CDK1: variants seen among roughly 807,000 people sequenced by gnomAD.
CDK1 encodes the protein cyclin-dependent kinase 1.
In CDK1, 5 loss-of-function variants were observed where a neutral mutation model predicts 34.6. The observed-to-expected ratio is 0.14, with a 90% CI of 0.08 to 0.30. The LOEUF (loss-of-function observed/expected upper bound fraction) is 0.30. Among genes scored for constraint, CDK1 ranks in the 10% least tolerant of loss-of-function variants. The pLI is 1.00. For synonymous variants in CDK1, 108 were observed against 114.7 expected, an observed-to-expected ratio of 0.94 and a Z score of 0.37; for missense variants, 157 against 345.7, an observed-to-expected ratio of 0.45 and a Z score of 4.33.
intron 7 of CDK1, 141 bp from the exon 8 acceptor site, chr10:60,793,736 C>T: frequency 1.8e-6 from 1 of 557,968 alleles, no homozygotes; most frequent in East Asian, 3.3e-5. Flanking sequence ...GTGTGTTAAA[C>T]TAATGGAAAT....
At chr10:60,789,714 G>A (rs1403609851) in intron 5 of CDK1, among the ~76,000 whole-genome samples, 1 of 152,170 alleles carries the variant, frequency 6.6e-6, no homozygotes, top group African/African-American at 2.4e-5. Flanking sequence ...ACATGGGAGT[G>A]CAGATATCTC....
In CDK1 at chr10:60,785,790, A is replaced by C; in HGVS notation, c.318+3A>C. The C allele has an allele frequency of 6.3e-7, 1 of 1,580,924 alleles. No homozygotes were observed. The highest frequency in any genetic ancestry group is 1.7e-5 in the Admixed American group (1 of 58,260). On this transcript the variant is annotated splice_donor_region_variant and intron_variant, in intron 4 of 7. Coordinates refer to ENST00000395284, the MANE Select transcript of CDK1 (RefSeq NM_001786.5). Reference sequence around the variant, plus strand: ...ACATGGATTCTTCACTTGTTAAGGTAAAAGCTTAACTAATTTTATTAATAT... The same window carrying C: ...ACATGGATTCTTCACTTGTTAAGGTCAAAGCTTAACTAATTTTATTAATAT...
At chr10:60,792,546 AT>A (rs5785467) in intron 7 of CDK1, among the ~76,000 whole-genome samples, 111,494 of 150,454 alleles carry the variant, frequency 0.74, 41,427 homozygotes, top group East Asian at 0.83. Context: ...ATTAATACAC[AT>A]TTTTTTTTTT....
At chr10:60,784,486 C>G (rs978707371) in intron 2 of CDK1, among the ~76,000 whole-genome samples, 6 of 151,950 alleles carry the variant, frequency 3.9e-5, no homozygotes, top group Admixed American at 2.6e-4. Flanking sequence ...AAAAATTAGC[C>G]GAGTGTGGTG....
rs2080309677 is a variant in CDK1, at chr10:60,785,650, T to TA, written c.195-14_195-13insA. 4 of 1,498,404 alleles carry TA rather than the reference T, an allele frequency of 2.7e-6. No homozygotes were observed. The African/African-American group carries it at 5.6e-5, about 21-fold the overall frequency. 92.8% of individuals were successfully genotyped at this position (1,498,404 alleles called of 1,614,324 possible). ...GTTTGCTGGATTCTTCTCTCATATA[T>TA]TTTTTTTCCCCAGTCTTCAGGATGT... On this transcript the variant is annotated splice_polypyrimidine_tract_variant and intron_variant, in intron 3 of 7. Transcript: ENST00000395284.
At chr10:60,785,151 CCTA>C (rs200935059) in intron 3 of CDK1, among the ~76,000 whole-genome samples, 1,556 of 152,234 alleles carry the variant, frequency 0.01, 15 homozygotes, top group Non-Finnish European at 0.013. Flanking sequence ...TCAACTCTCT[CCTA>C]CTTGGGGAGC....
At chr10:60,786,250 A>T (rs1302574897) in intron 4 of CDK1, 1 of 976,244 alleles carries the variant, frequency 1.0e-6, no homozygotes. Context: ...CAGTTCTACC[A>T]AACCACTCTG....
At chr10:60,791,362 G>C (rs1251326026) in intron 5 of CDK1, among the ~76,000 whole-genome samples, 1 of 152,022 alleles carries the variant, frequency 6.6e-6, no homozygotes, top group African/African-American at 2.4e-5. Flanking sequence ...TTTTGATTTT[G>C]TATACTGCAA....
rs2080381935 is a variant in CDK1 at position 60,794,162 on chromosome 10, A to ATGTG, written c.*191_*194dup. 5 of 413,158 alleles carry ATGTG rather than the reference A, an allele frequency of 1.2e-5. No homozygotes were observed. The highest frequency in any genetic ancestry group is 2.1e-5 in the Non-Finnish European group (5 of 235,882). The allele number at this position is 413,158 out of a possible 1,614,324, so 25.6% of individuals were successfully genotyped here. A position where few individuals can be genotyped will look rare whatever the true frequency, so the allele number is the denominator to read the frequency against. ...TATGAATTTAAATATAATTCTGTAA[A>ATGTG]TGTGTGTAGGTCTCACTGTAACAAC... On this transcript the variant is annotated 3_prime_UTR_variant, in exon 8 of 8. Coordinates refer to ENST00000395284, the MANE Select transcript of CDK1 (RefSeq NM_001786.5).
chr10:60,789,551 T>C (rs945617454), intron 5 of CDK1, among the ~76,000 whole-genome samples: 28 of 152,198 alleles, frequency 1.8e-4, no homozygotes, highest in African/African-American at 6.8e-4. Flanking sequence ...TTCATTCTTT[T>C]TTTATGGCTG....
intron 3 of CDK1, 102 bp from the exon 4 acceptor site, chr10:60,785,562 G>C (rs1483562735): frequency 1.4e-6 from 1 of 725,962 alleles, no homozygotes; most frequent in Non-Finnish European, 2.3e-6. Flanking sequence ...GTCTTCCCCA[G>C]TTTTTATTAT....
rs145955661 is a variant in CDK1 at position 60,779,213 on chromosome 10, G to T, written c.-26+643G>T. On this transcript the variant is annotated intron_variant, in intron 1 of 7. Transcript: ENST00000395284. ...ATACATCTCTGCTTCTTTCTGGATT[G>T]ATTTTTCTTTGAAGATGAATGTGAG... Among the ~76,000 whole-genome samples, 4 of 152,328 alleles carry T rather than the reference G, an allele frequency of 2.6e-5. No individual in the cohort carries two copies. In the East Asian group the frequency reaches 7.7e-4, roughly 29 times the overall value.
intron 2 of CDK1, chr10:60,783,395 G>T (rs1261079227): frequency 6.6e-6 from 1 of 152,096 alleles, no homozygotes; most frequent in African/African-American, 2.4e-5. Context: ...TTAAGCTTAA[G>T]TAGCATCAAT....
chr10:60,784,613 A>G, intron 2 of CDK1, 92 bp from the exon 3 acceptor site: 1 of 1,119,956 alleles, frequency 8.9e-7, no homozygotes, highest in Non-Finnish European at 1.3e-6. Flanking sequence ...CTGGACAAGA[A>G]AACAAGACCC....
chr10:60,787,169 C>G (rs1461637969), intron 4 of CDK1: 1 of 497,188 alleles, frequency 2.0e-6, no homozygotes, highest in Non-Finnish European at 2.6e-6. Flanking sequence ...GATGCACATT[C>G]ACTAGAAACC....
At position 60,794,611 on chromosome 10, in the gene CDK1, A is replaced by G. The variant is rs771438596; in HGVS notation, c.*636A>G. On this transcript the variant is annotated 3_prime_UTR_variant, in exon 8 of 8. Transcript: ENST00000395284. ...GATCAAGGGCTGTCCGCAACAGGGAAGAACAGTTTTGAAAATTTATGAACT... is the reference window on the plus strand; with the variant it reads ...GATCAAGGGCTGTCCGCAACAGGGAGGAACAGTTTTGAAAATTTATGAACT... 1 of 152,164 alleles carries G rather than the reference A, an allele frequency of 6.6e-6. No homozygotes were observed. Among genetic ancestry groups the G allele is most frequent in the Non-Finnish European group, 1.5e-5 (1 of 67,988 alleles). 9.4% of individuals were successfully genotyped at this position (152,164 alleles called of 1,614,324 possible).
In CDK1 at chr10:60,792,317, C is replaced by G. The variant is rs558117719; in HGVS notation, c.795+28C>G. The G allele has an allele frequency of 1.3e-4, 201 of 1,564,090 alleles. 2 individuals are homozygous for G. In the South Asian group the frequency reaches 2.2e-3, roughly 17 times the overall value. Reference sequence around the variant, plus strand: ...AAGGAGTGCCCTTGATACTGACTTTCAAATTATTGATGATTCTGAATATAT... The same window carrying G: ...AAGGAGTGCCCTTGATACTGACTTTGAAATTATTGATGATTCTGAATATAT... On this transcript the variant is annotated intron_variant, in intron 7 of 7. Coordinates refer to ENST00000395284, the MANE Select transcript of CDK1 (RefSeq NM_001786.5).
At chr10:60,789,514 C>T (rs1174648696) in intron 5 of CDK1, among the ~76,000 whole-genome samples, 1 of 152,162 alleles carries the variant, frequency 6.6e-6, no homozygotes, top group Non-Finnish European at 1.5e-5. Flanking sequence ...TTTCATGGCT[C>T]ATCCTTGTTG....
At chr10:60,789,437 G>T (rs2132072718) in intron 5 of CDK1, among the ~76,000 whole-genome samples, 1 of 152,254 alleles carries the variant, frequency 6.6e-6, no homozygotes, top group South Asian at 2.1e-4. Context: ...ATGGCCATTA[G>T]ATCAACTTTT....
Sources: gnomAD v4.1 joint callset for allele counts (sites outside exome capture counted in the v4.1 genomes callset) on GRCh38, gnomAD v4.1.1 for gene constraint, MANE v1.5 for transcripts, NCBI Gene and HGNC (gene_info 2026-07-23, HGNC 2026-07-21) for gene names.